Variants in RBM5 observed in about 807,000 individuals in gnomAD.
RBM5 encodes RNA binding motif protein 5, also known as RNA-binding protein 5.
RBM5 carries 15 observed loss-of-function variants against 124.6 expected under a neutral mutation model. The ratio of observed to expected loss-of-function variants is 0.12; its 90% CI spans 0.08 to 0.19. The LOEUF is 0.19. Ranked by LOEUF, RBM5 falls within the 10% of genes least tolerant of loss-of-function variation. The pLI, the probability that RBM5 is intolerant of heterozygous loss-of-function variation, is 1.00. For missense variants in RBM5, 580 were observed against 1,026.5 expected (o/e 0.57, Z 5.94); for synonymous variants, 337 against 361.2 (o/e 0.93, Z 0.76).
chr3:50,109,995 G>A (rs1306540966), intron 15 of RBM5, among the ~76,000 whole-genome samples: 2 of 151,962 alleles, frequency 1.3e-5, no homozygotes, highest in Non-Finnish European at 2.9e-5. Context: ...GGTGGATCAC[G>A]AGGTTAGGAG....
In RBM5 at chr3:50,104,277, A is replaced by G. The variant is rs768420721; in HGVS notation, c.597A>G (p.Leu199=). The G allele has an allele frequency of 3.1e-6, 5 of 1,614,106 alleles. No individual in the cohort carries two copies. The highest frequency in any genetic ancestry group is 4.2e-6 in the Non-Finnish European group (5 of 1,179,954). Residue 199 remains leucine, a synonymous_variant, in exon 8 of 25, where the codon CTA becomes CTG. Coordinates refer to ENST00000347869, the MANE Select transcript of RBM5 (RefSeq NM_005778.4). ...GCCTTAACAATTTCAGGAAAAGACT[A>G]AAATGCTTCCGATGTGGAGCAGACA... The part of the protein sequence containing the change: ...KCCLNNFRKR[L]KCFRCGADKF...
In RBM5 at chr3:50,118,417, C is replaced by T; in HGVS notation, c.2409C>T (p.Val803=). 6.2e-7 allele frequency: 1 copy of T among 1,614,068 alleles called. No homozygotes were observed. The change falls in exon 25 of 25, where the codon GTC becomes GTT. Residue 803 remains valine (V), a synonymous_variant. Coordinates refer to ENST00000347869, the MANE Select transcript of RBM5 (RefSeq NM_005778.4). ...LSGADSYKDA[V]RKAMFARFTE... ...GCGCCGATTCCTACAAAGATGCTGTCCGGAAAGCCATGTTTGCCCGGTTCA... is the reference window on the plus strand; with the variant it reads ...GCGCCGATTCCTACAAAGATGCTGTTCGGAAAGCCATGTTTGCCCGGTTCA...
intron 12 of RBM5, 53 bp downstream of exon 12, chr3:50,107,622 C>CACA: frequency 8.3e-7 from 1 of 1,208,634 alleles, no homozygotes. Flanking sequence ...TGCCCAGATT[C>CACA]ACAGACGTGA....
At chr3:50,106,990 C>A in intron 11 of RBM5, 126 bp downstream of exon 11, 1 of 809,852 alleles carries the variant, frequency 1.2e-6, no homozygotes, top group Non-Finnish European at 2.1e-6. Context: ...TTGCCAAGGC[C>A]AGGAGGGACA....
chr3:50,118,512 T>G lies in RBM5; in HGVS notation c.*56T>G. ...CACAAGAAGTGGTCCATCTCCCGAA[T>G]TCGCTGTTACCGCCTGTCTCTTTAA... On this transcript the variant is annotated 3_prime_UTR_variant, in exon 25 of 25. Transcript: ENST00000347869. The G allele has an allele frequency of 1.3e-6, 2 of 1,580,020 alleles. No individual in the cohort carries two copies. The highest frequency in any genetic ancestry group is 2.3e-5 in the South Asian group (2 of 87,770).
rs904792659 is a variant in RBM5, at chr3:50,108,230, A to G, written c.1120-2A>G. 5 of 1,612,244 alleles carry G rather than the reference A, an allele frequency of 3.1e-6. No individual in the cohort carries two copies. The highest frequency in any genetic ancestry group is 4.2e-6 in the Non-Finnish European group (5 of 1,178,366). On this transcript the variant is annotated splice_acceptor_variant, in intron 13 of 24. Coordinates refer to ENST00000347869, the MANE Select transcript of RBM5 (RefSeq NM_005778.4). LOFTEE classifies it high-confidence loss of function. ...CAGCTTTAATGGTGGACTTTTCTTCAGTATTCACAGGATTATCAGCAGTTT... is the reference window on the plus strand; with the variant it reads ...CAGCTTTAATGGTGGACTTTTCTTCGGTATTCACAGGATTATCAGCAGTTT...
intron 1 of RBM5, chr3:50,089,767 G>C (rs2090670204): frequency 6.5e-6 from 1 of 152,722 alleles, no homozygotes; most frequent in African/African-American, 2.4e-5. Flanking sequence ...GGGGGCGGGG[G>C]GCCGGGCTGT....
At chr3:50,090,535 A>G in intron 2 of RBM5, 84 bp downstream of exon 2, 1 of 1,512,298 alleles carries the variant, frequency 6.6e-7, no homozygotes, top group East Asian at 2.3e-5. Flanking sequence ...TCAAACTAAT[A>G]TATGAGTGTT....
chr3:50,117,296 G>A lies in RBM5; in HGVS notation c.2239G>A (p.Gly747Ser). 6.2e-7 allele frequency: 1 copy of A among 1,614,196 alleles called. No homozygotes were observed. The highest frequency in any genetic ancestry group is 8.5e-7 in the Non-Finnish European group (1 of 1,180,040). ...TKDGIDHSNI[G>S]NKMLQAMGWR... Reference sequence around the variant, plus strand: ...AGATGGCATTGACCACAGTAACATTGGCAACAAGATGCTGCAGGCCATGGG... The same window carrying A: ...AGATGGCATTGACCACAGTAACATTAGCAACAAGATGCTGCAGGCCATGGG... The change falls in exon 24 of 25, where the codon GGC becomes AGC. Residue 747 changes from glycine to serine, a missense_variant. Transcript: ENST00000347869. The surrounding 1 kb of genome is among the most constrained non-coding windows in gnomAD (Gnocchi z 4.2).
intron 4 of RBM5, among the ~76,000 whole-genome samples, chr3:50,097,245 A>G (rs1406740670): frequency 6.6e-6 from 1 of 152,130 alleles, no homozygotes. Flanking sequence ...ACTACAAAAA[A>G]ATTAGCCAGC....
At chr3:50,112,944 C>T (rs2091175886) in intron 17 of RBM5, 1 of 153,030 alleles carries the variant, frequency 6.5e-6, no homozygotes, top group African/African-American at 2.4e-5. Context: ...CCTCCTCCAT[C>T]TCCCAGGTTC....
chr3:50,109,758 C>G, intron 15 of RBM5, 70 bp downstream of exon 15: 1 of 1,267,398 alleles, frequency 7.9e-7, no homozygotes, highest in Non-Finnish European at 1.2e-6. Context: ...ACAAGTATTA[C>G]CCTTTCCTGT....
At chr3:50,092,656 C>T (rs889177785) in intron 3 of RBM5, 1 of 417,714 alleles carries the variant, frequency 2.4e-6, no homozygotes, top group South Asian at 1.7e-5. Context: ...TCATTTAGGT[C>T]TCAGTACAAC....
Position 50,100,601 on chromosome 3 carries a change from A to G in RBM5, c.479A>G (p.Asn160Ser). The change falls in exon 6 of 25, where the codon AAT becomes AGT. Residue 160 changes from asparagine (N) to serine (S), a missense_variant. By Grantham distance (46) the Asn-to-Ser change is conservative. This residue lies in a region of RBM5 where 101 missense variants were observed against 223.2 expected (regional missense o/e 0.45). Transcript: ENST00000347869. This position sits in a 1 kb window ranked among gnomAD's most constrained non-coding sequence, Gnocchi z 5.1. ...GATGCTACCAGCTGGATGGAAGCCA[A>G]TCAGGTTGCTTCACTCACCAAGTCT... is the stretch of plus-strand genomic sequence containing the variant. ...LQDATSWMEA[N>S]QKKLVIQGKH... 6.2e-7 allele frequency: 1 copy of G among 1,607,682 alleles called. No homozygotes were observed. Among genetic ancestry groups the G allele is most frequent in the Non-Finnish European group, 8.5e-7 (1 of 1,174,246 alleles).
intron 14 of RBM5, 97 bp from the exon 15 acceptor site, chr3:50,109,506 C>T (rs927248230): frequency 3.0e-5 from 28 of 942,942 alleles, no homozygotes; most frequent in Admixed American, 9.1e-5. Flanking sequence ...CTGACATATA[C>T]AATGACAGAA....
intron 8 of RBM5, 96 bp from the exon 9 acceptor site, chr3:50,104,981 G>T: frequency 2.1e-6 from 2 of 943,750 alleles, no homozygotes; most frequent in East Asian, 2.5e-5. Flanking sequence ...CGATTGTTTT[G>T]TGTGGTTAAA....
chr3:50,093,081 G>A, intron 3 of RBM5: 1 of 207,086 alleles, frequency 4.8e-6, no homozygotes, highest in Non-Finnish European at 1.0e-5. Context: ...AGTGGTTGCA[G>A]TGAGCTGAGA....
At chr3:50,097,758 T>G (rs1365803791) in intron 4 of RBM5, among the ~76,000 whole-genome samples, 2 of 152,182 alleles carry the variant, frequency 1.3e-5, no homozygotes, top group Non-Finnish European at 2.9e-5. Flanking sequence ...TGATGAACTT[T>G]GAAAATTTTT....
rs146495534 is a variant in RBM5, at chr3:50,090,070, G to C, written c.-53-312G>C. 200 of 209,528 alleles carry C rather than the reference G, an allele frequency of 9.5e-4. No homozygotes were observed. The Middle Eastern group carries it at 0.011, about 11-fold the overall frequency. The allele number at this position is 209,528 out of a possible 1,614,324, so 13.0% of individuals were successfully genotyped here. On this transcript the variant is annotated intron_variant, in intron 1 of 24. Transcript: ENST00000347869. ...AAACCAAGGAGCTGATTGTAGCTCT[G>C]CCCTTTTTGCTTTGTAATTCTAAGG...
Sources: allele counts gnomAD v4.1 joint callset (sites outside exome capture counted in the v4.1 genomes callset), GRCh38; gene constraint gnomAD v4.1.1; regional missense constraint gnomAD v4.1.1; non-coding constraint Gnocchi (gnomAD v3.1); transcripts MANE v1.5; gene names NCBI Gene and HGNC (gene_info 2026-07-23, HGNC 2026-07-21).